The following METTL8 variants were observed in gnomAD, a reference collection of about 807,000 sequenced individuals.
The protein encoded by METTL8 is methyltransferase 8, tRNA N3-cytidine, also known as tRNA N(3)-cytidine methyltransferase METTL8, mitochondrial.
Under a neutral mutation model 48.7 loss-of-function variants are expected in METTL8, and 32 were observed. The ratio of observed to expected loss-of-function variants is 0.66; its 90% confidence interval spans 0.50 to 0.88. The LOEUF (loss-of-function observed/expected upper bound fraction) is 0.88, where lower values mean the gene tolerates loss of function less well. METTL8 is among the 40% of genes least tolerant of loss of function. The probability of loss-of-function intolerance (pLI) is 0.00; values close to 1 mark genes in which losing one functional copy is unlikely to be tolerated. For synonymous variants in METTL8, 136 were observed against 157.1 expected, an observed-to-expected ratio of 0.87 and a Z score of 1.01; for missense variants, 464 against 474.4, an observed-to-expected ratio of 0.98 and a Z score of 0.20.
chr2:171,328,714 C>T (rs927592024), intron 7 of METTL8, among the ~76,000 whole-genome samples: 4 of 152,200 alleles, frequency 2.6e-5, no homozygotes, highest in South Asian at 2.1e-4. Context: ...TTTTTTGAGA[C>T]GGAGTCTCTG....
At chr2:171,425,349 CT>C in intron 1 of METTL8, among the ~76,000 whole-genome samples, 1 of 152,336 alleles carries the variant, frequency 6.6e-6, no homozygotes, top group East Asian at 1.9e-4. Context: ...AAGAGACCCC[CT>C]CATCCTCTGC....
In METTL8 at chr2:171,379,864, T is replaced by A. The variant is rs187956525; in HGVS notation, c.143+12179A>T. 1.3e-3 allele frequency among the ~76,000 whole-genome samples: 204 copies of A among 152,250 alleles called. 4 individuals carry two copies. In the East Asian group the frequency reaches 0.014, roughly 11 times the overall value. On this transcript the variant is annotated intron_variant, in intron 2 of 9. Transcript: ENST00000375258. ...TTCCTTCTGAAACTATTACAAACAATTGAAAAGGAGGGACTCCTCCCTAAC... is the reference window on the plus strand; with the variant it reads ...TTCCTTCTGAAACTATTACAAACAAATGAAAAGGAGGGACTCCTCCCTAAC...
At chr2:171,367,443 C>T (rs1336755684) in intron 2 of METTL8, among the ~76,000 whole-genome samples, 5 of 151,958 alleles carry the variant, frequency 3.3e-5, no homozygotes, top group Non-Finnish European at 7.4e-5. Flanking sequence ...AAAGATCTTT[C>T]AAATTTGTAA....
intron 1 of METTL8, among the ~76,000 whole-genome samples, chr2:171,401,359 T>G (rs1689621106): frequency 6.6e-6 from 1 of 152,160 alleles, no homozygotes; most frequent in Non-Finnish European, 1.5e-5. Flanking sequence ...AACTCATGCA[T>G]CTTGTTTTAA....
rs1315815292 is a variant in METTL8 at position 171,351,066 on chromosome 2, A to T, written c.235+9356T>A. ...GCCTATGTCCTGAATGGTATTGCCT[A>T]GGTTTTCTTCTAGGGTTTTTATGGT... On this transcript the variant is annotated intron_variant, in intron 3 of 9. Coordinates refer to ENST00000375258, the MANE Select transcript of METTL8 (RefSeq NM_001321154.2). 3.3e-5 allele frequency among the ~76,000 whole-genome samples: 5 copies of T among 152,182 alleles called. No homozygotes were observed. In the South Asian group the frequency reaches 6.2e-4, roughly 19 times the overall value.
intron 1 of METTL8, among the ~76,000 whole-genome samples, chr2:171,422,505 T>G (rs1691975454): frequency 6.6e-6 from 1 of 152,238 alleles, no homozygotes; most frequent in Non-Finnish European, 1.5e-5. Context: ...AATGTGAGCT[T>G]CTTTTTTTAT....
At chr2:171,333,464 A>G (rs1187122621) in intron 5 of METTL8, among the ~76,000 whole-genome samples, 1 of 152,210 alleles carries the variant, frequency 6.6e-6, no homozygotes, top group Non-Finnish European at 1.5e-5. Flanking sequence ...CACTCATTCT[A>G]TGGCACTAGG....
intron 2 of METTL8, among the ~76,000 whole-genome samples, chr2:171,381,929 G>A (rs769534484): frequency 9.2e-5 from 14 of 151,848 alleles, no homozygotes; most frequent in Non-Finnish European, 1.5e-4. Context: ...CTACAGGCAC[G>A]CATCACCACG....
intron 3 of METTL8, among the ~76,000 whole-genome samples, chr2:171,359,895 GT>G (rs1233310525): frequency 1.3e-5 from 2 of 152,068 alleles, no homozygotes; most frequent in Non-Finnish European, 2.9e-5. Context: ...CGGCTCCTGA[GT>G]TTTTTTGATA....
At chr2:171,355,744 C>T (rs541404837) in intron 3 of METTL8, among the ~76,000 whole-genome samples, 17 of 152,336 alleles carry the variant, frequency 1.1e-4, no homozygotes, top group East Asian at 9.6e-4. Context: ...AGCGAGGCTC[C>T]GTGGGCGTGG....
chr2:171,414,729 GA>G (rs57095998), intron 1 of METTL8: 171 of 128,444 alleles, frequency 1.3e-3, no homozygotes, highest in Middle Eastern at 7.9e-3. Flanking sequence ...CTCTGTTTCT[GA>G]AAAAAAAAAA....
rs536800591 is a variant in METTL8 at position 171,406,585 on chromosome 2, C to T, written c.-12-14388G>A. On this transcript the variant is annotated intron_variant, in intron 1 of 9. Coordinates refer to ENST00000375258, the MANE Select transcript of METTL8 (RefSeq NM_001321154.2). ...TCCTCTTTTTATAAGGACACCAGTT[C>T]TATTGAATTAGGGCCTCACTCCTAA... is the stretch of plus-strand genomic sequence containing the variant. Among the ~76,000 whole-genome samples the T allele has an allele frequency of 2.3e-3, 355 of 152,252 alleles. 4 individuals carry two copies. In the South Asian group the frequency reaches 0.03, roughly 13 times the overall value.
intron 1 of METTL8, among the ~76,000 whole-genome samples, chr2:171,412,109 T>C (rs1690813160): frequency 6.6e-6 from 1 of 152,184 alleles, no homozygotes; most frequent in Non-Finnish European, 1.5e-5. Flanking sequence ...GATAAGGAAA[T>C]AATATCTGTC....
intron 5 of METTL8, chr2:171,332,651 G>A (rs927033679): frequency 6.6e-6 from 1 of 152,204 alleles, no homozygotes; most frequent in Non-Finnish European, 1.5e-5. Context: ...TTAGTACCAT[G>A]TCTGAACTAC....
At chr2:171,350,405 T>C (rs536988022) in intron 3 of METTL8, among the ~76,000 whole-genome samples, 3 of 152,338 alleles carry the variant, frequency 2.0e-5, no homozygotes, top group Admixed American at 2.0e-4. Flanking sequence ...CTACTGTGAA[T>C]AGTGCCACAA....
chr2:171,364,473 GA>G (rs926405571), intron 2 of METTL8, among the ~76,000 whole-genome samples: 11 of 151,808 alleles, frequency 7.2e-5, no homozygotes, highest in East Asian at 1.9e-4. Context: ...TTGAATTTGA[GA>G]AAAAAACCTC....
At chr2:171,357,784 T>A (rs1008827738) in intron 3 of METTL8, among the ~76,000 whole-genome samples, 1 of 151,750 alleles carries the variant, frequency 6.6e-6, no homozygotes, top group African/African-American at 2.4e-5. Context: ...AGCCTCAAAC[T>A]CCCGGGTTCA....
At chr2:171,391,789 G>C (rs188144550) in intron 2 of METTL8, among the ~76,000 whole-genome samples, 2 of 152,122 alleles carry the variant, frequency 1.3e-5, no homozygotes, top group Non-Finnish European at 2.9e-5. Context: ...CAGGATCAGA[G>C]GTAAGTAGGA....
chr2:171,380,336 CA>C (rs1414292811), intron 2 of METTL8, among the ~76,000 whole-genome samples: 1 of 152,144 alleles, frequency 6.6e-6, no homozygotes, highest in African/African-American at 2.4e-5. Flanking sequence ...TGAAAACTGG[CA>C]TAAGACAAGG....
Sources: gnomAD v4.1 joint callset for allele counts (sites outside exome capture counted in the v4.1 genomes callset) on GRCh38, gnomAD v4.1.1 for gene constraint, MANE v1.5 for transcripts, NCBI Gene and HGNC (gene_info 2026-07-23, HGNC 2026-07-21) for gene names.